The following KSR1 variants were observed in gnomAD, a reference collection of about 807,000 sequenced individuals.
The protein encoded by KSR1 is kinase suppressor of ras.
A neutral mutation model predicts 92.9 loss-of-function variants in KSR1; 35 were observed. That is an observed-to-expected ratio of 0.38 (90% CI 0.29 to 0.50). The LOEUF (loss-of-function observed/expected upper bound fraction) is 0.50. Among genes scored for constraint, KSR1 ranks in the 20% least tolerant of loss-of-function variants. KSR1 has a pLI of 0.94. For missense variants in KSR1, 972 were observed against 1,158.5 expected (o/e 0.84, Z 2.34); for synonymous variants, 467 against 472.6 (o/e 0.99, Z 0.15).
intron 1 of KSR1, among the ~76,000 whole-genome samples, chr17:27,500,109 A>G (rs1567767209): frequency 6.6e-6 from 1 of 152,212 alleles, no homozygotes. Context: ...CTGGAGACCC[A>G]GGTCTGGGGG....
intron 1 of KSR1, among the ~76,000 whole-genome samples, chr17:27,547,615 T>G (rs1334430793): frequency 6.6e-6 from 1 of 152,200 alleles, no homozygotes; most frequent in Non-Finnish European, 1.5e-5. Flanking sequence ...AGGTTTTTTT[T>G]GTTTTGTTTT....
chr17:27,529,527 C>CGCTCCTGCCAT (rs1157264920), intron 1 of KSR1, among the ~76,000 whole-genome samples: 1 of 152,224 alleles, frequency 6.6e-6, no homozygotes, highest in African/African-American at 2.4e-5. Context: ...TGCCGCTCCA[C>CGCTCCTGCCAT]GCTCCTGCCA....
intron 5 of KSR1, chr17:27,585,960 A>C (rs2072952049): frequency 6.6e-6 from 3 of 451,366 alleles, no homozygotes; most frequent in South Asian, 2.8e-5. Context: ...CCCCACCGAG[A>C]CTCTCCAGCA....
intron 1 of KSR1, among the ~76,000 whole-genome samples, chr17:27,477,077 C>T (rs2068369132): frequency 6.6e-6 from 1 of 152,200 alleles, no homozygotes; most frequent in Non-Finnish European, 1.5e-5. Flanking sequence ...AGGGTAACTT[C>T]TTGACATTGC....
chr17:27,611,099 C>A (rs538425223), intron 17 of KSR1, among the ~76,000 whole-genome samples: 2 of 152,346 alleles, frequency 1.3e-5, no homozygotes, highest in African/African-American at 2.4e-5. Context: ...CTTTCCTGAG[C>A]ACCCATGTGT....
At chr17:27,611,127 G>A (rs1329783991) in intron 17 of KSR1, among the ~76,000 whole-genome samples, 3 of 152,176 alleles carry the variant, frequency 2.0e-5, no homozygotes, top group African/African-American at 7.2e-5. Flanking sequence ...GCTGGGCTTG[G>A]CAATTTAGTA....
At chr17:27,513,176 C>T (rs2069664967) in intron 1 of KSR1, among the ~76,000 whole-genome samples, 1 of 152,264 alleles carries the variant, frequency 6.6e-6, no homozygotes, top group African/African-American at 2.4e-5. Flanking sequence ...ATTTTCGTTG[C>T]ATGTAGCTGT....
intron 1 of KSR1, among the ~76,000 whole-genome samples, chr17:27,501,292 C>CTTTTTTTTTTTTTTTTTTTTT: frequency 8.0e-5 from 4 of 49,704 alleles, no homozygotes; most frequent in African/African-American, 8.2e-5. Flanking sequence ...TTCTTTTCTT[C>CTTTTTTTTTTTTTTTTTTTTT]TTTTTTTTTT....
At chr17:27,621,962 G>A (rs1396980343) in intron 20 of KSR1, 2 of 1,611,566 alleles carry the variant, frequency 1.2e-6, no homozygotes, top group Admixed American at 3.3e-5. Context: ...TGCACCAGGG[G>A]CTTTCTTCCT....
At chr17:27,524,288 C>T in intron 1 of KSR1, among the ~76,000 whole-genome samples, 1 of 151,930 alleles carries the variant, frequency 6.6e-6, no homozygotes, top group East Asian at 1.9e-4. Flanking sequence ...GGAGTGAGAA[C>T]ATGGACTCTG....
At chr17:27,621,835 A>T (rs922071813) in intron 20 of KSR1, 1 of 1,275,214 alleles carries the variant, frequency 7.8e-7, no homozygotes, top group African/African-American at 1.5e-5. Context: ...TCCCCTGCCC[A>T]GCTGCTCTGG....
chr17:27,526,011 T>TCTTTTCTTTTCTTTC (rs2070252761), intron 1 of KSR1, among the ~76,000 whole-genome samples: 1 of 97,570 alleles, frequency 1.0e-5, no homozygotes, highest in Admixed American at 1.2e-4. Context: ...TCTTTTCTTT[T>TCTTTTCTTTTCTTTC]CTTTTCTTTT....
Position 27,605,504 on chromosome 17 carries a change from C to A in KSR1, c.1685C>A (p.Ser562Tyr). Reference sequence around the variant, plus strand: ...GACGAGGTGGACGACTTGCCGAGCTCTCGCCGGCCCTGGCGGGGCCCCATC... The same window carrying A: ...GACGAGGTGGACGACTTGCCGAGCTATCGCCGGCCCTGGCGGGGCCCCATC... ...DEDEVDDLPSSRRPWRGPISR... is the reference protein window; with the variant it reads ...DEDEVDDLPSYRRPWRGPISR... Residue 562 changes from serine (S) to tyrosine (Y), a missense_variant, in exon 14 of 21, where the codon TCT becomes TAT. Ser to Tyr is a moderately radical substitution (Grantham distance 144). This residue lies in a region of KSR1 where 611 missense variants were observed against 668.0 expected (regional missense o/e 0.91). Coordinates refer to ENST00000644974, the MANE Select transcript of KSR1 (RefSeq NM_001394583.1). The A allele has an allele frequency of 6.2e-7, 1 of 1,603,106 alleles. No individual in the cohort carries two copies. Among genetic ancestry groups the A allele is most frequent in the Non-Finnish European group, 8.5e-7 (1 of 1,175,742 alleles).
chr17:27,595,156 G>A (rs1035330887), intron 9 of KSR1, among the ~76,000 whole-genome samples: 3 of 152,148 alleles, frequency 2.0e-5, no homozygotes, highest in Admixed American at 6.5e-5. Context: ...ACCCAACTTG[G>A]CCTCAACTTC....
chr17:27,485,300 G>A (rs1000548959), intron 1 of KSR1, among the ~76,000 whole-genome samples: 2 of 152,250 alleles, frequency 1.3e-5, no homozygotes, highest in Non-Finnish European at 2.9e-5. Flanking sequence ...AGGGCAGGGT[G>A]ATGGGTGGAT....
At chr17:27,604,959 GAA>G (rs1044464741) in intron 13 of KSR1, among the ~76,000 whole-genome samples, 4 of 152,248 alleles carry the variant, frequency 2.6e-5, no homozygotes, top group Non-Finnish European at 4.4e-5. Flanking sequence ...CCAGGGTCAA[GAA>G]CCACTGCCTT....
chr17:27,545,677 T>G (rs2071146385), intron 1 of KSR1, among the ~76,000 whole-genome samples: 1 of 152,140 alleles, frequency 6.6e-6, no homozygotes, highest in Non-Finnish European at 1.5e-5. Context: ...CTGCGATATG[T>G]GATCTGGGCA....
chr17:27,505,313 G>A (rs1454605772), intron 1 of KSR1, among the ~76,000 whole-genome samples: 3 of 152,176 alleles, frequency 2.0e-5, no homozygotes, highest in Non-Finnish European at 4.4e-5. Context: ...CCCTGAGATG[G>A]CCATCCCCCA....
intron 1 of KSR1, among the ~76,000 whole-genome samples, chr17:27,526,070 C>CTCTTTCTTTCTTTCTTTCTTTCTTTCTT (rs1555576389): frequency 3.7e-5 from 3 of 81,378 alleles, no homozygotes; most frequent in African/African-American, 1.6e-4. Context: ...CTCTTTCTTT[C>CTCTTTCTTTCTTTCTTTCTTTCTTTCTT]TCTTTCTTTC....
Sources: allele counts gnomAD v4.1 joint callset (sites outside exome capture counted in the v4.1 genomes callset), GRCh38; gene constraint gnomAD v4.1.1; regional missense constraint gnomAD v4.1.1; transcripts MANE v1.5; gene names NCBI Gene and HGNC (gene_info 2026-07-23, HGNC 2026-07-21).